The following RBFOX1 variants were observed in gnomAD, a reference collection of about 807,000 sequenced individuals.
RBFOX1 encodes the protein RNA binding fox-1 homolog 1, also known as RNA binding protein fox-1 homolog 1.
RBFOX1 carries 8 observed loss-of-function variants against 57.7 expected under a neutral mutation model. The observed-to-expected ratio is 0.14, with a 90% CI of 0.08 to 0.25. The LOEUF (loss-of-function observed/expected upper bound fraction) is 0.25. Among genes scored for constraint, RBFOX1 ranks in the 10% least tolerant of loss-of-function variants. The pLI, the probability that RBFOX1 is intolerant of heterozygous loss-of-function variation, is 1.00. For missense variants in RBFOX1, 611 were observed against 548.5 expected, an observed-to-expected ratio of 1.11 and a Z score of -1.14; for synonymous variants, 326 against 222.4, an observed-to-expected ratio of 1.47 and a Z score of -4.15.
intron 1 of RBFOX1, among the ~76,000 whole-genome samples, chr16:5,358,499 A>G (rs1010575604): frequency 1.3e-5 from 2 of 152,170 alleles, no homozygotes; most frequent in African/African-American, 2.4e-5. Flanking sequence ...TGCAATGTGT[A>G]ATAATCACAT....
chr16:5,921,900 C>T (rs944859369), intron 4 of RBFOX1, among the ~76,000 whole-genome samples: 1 of 151,928 alleles, frequency 6.6e-6, no homozygotes, highest in African/African-American at 2.4e-5. Context: ...GCCTGTAATC[C>T]CAGCACTTTG....
chr16:7,242,231 G>T (rs964543387), intron 4 of RBFOX1, among the ~76,000 whole-genome samples: 2 of 152,126 alleles, frequency 1.3e-5, no homozygotes, highest in Non-Finnish European at 2.9e-5. Flanking sequence ...ATCCCCAAAG[G>T]ACTGACAAGA....
intron 2 of RBFOX1, among the ~76,000 whole-genome samples, chr16:5,589,538 G>A (rs1174447522): frequency 6.6e-6 from 1 of 152,182 alleles, no homozygotes; most frequent in African/African-American, 2.4e-5. Flanking sequence ...CTCATTAATA[G>A]ATCAAAGGTG....
At chr16:5,889,602 C>G (rs182962215) in intron 4 of RBFOX1, among the ~76,000 whole-genome samples, 6 of 152,284 alleles carry the variant, frequency 3.9e-5, no homozygotes, top group Admixed American at 3.9e-4. Flanking sequence ...GTGCCAGTCA[C>G]ACTTTTGGGC....
chr16:7,423,148 G>A (rs1280505527), intron 4 of RBFOX1: 2 of 151,726 alleles, frequency 1.3e-5, no homozygotes, highest in Admixed American at 1.3e-4. Flanking sequence ...TATGGGTCCA[G>A]TGGTGTTGGA....
intron 3 of RBFOX1, among the ~76,000 whole-genome samples, chr16:6,946,161 G>A (rs1224116534): frequency 2.0e-5 from 3 of 152,220 alleles, no homozygotes; most frequent in African/African-American, 7.2e-5. Context: ...ATGATTAGGG[G>A]TTGGCAAGTG....
At chr16:6,357,550 G>GCT (rs2087579279) in intron 2 of RBFOX1, among the ~76,000 whole-genome samples, 1 of 151,330 alleles carries the variant, frequency 6.6e-6, no homozygotes, top group South Asian at 2.1e-4. Flanking sequence ...CTGCACAAGC[G>GCT]CTCTCTCTCT....
At chr16:5,856,151 T>TTCTC (rs35841072) in intron 3 of RBFOX1, among the ~76,000 whole-genome samples, 507 of 40,360 alleles carry the variant, frequency 0.013, 5 homozygotes, top group Non-Finnish European at 0.016. Flanking sequence ...GTCTTTATGG[T>TTCTC]TCTCTCTCTC....
intron 4 of RBFOX1, among the ~76,000 whole-genome samples, chr16:5,904,404 A>T (rs1946618315): frequency 6.6e-6 from 1 of 151,906 alleles, no homozygotes. Context: ...GTTTTGTCTC[A>T]GGGCATTATA....
intron 1 of RBFOX1, among the ~76,000 whole-genome samples, chr16:6,164,941 G>T (rs915369746): frequency 3.3e-5 from 5 of 152,214 alleles, no homozygotes; most frequent in Middle Eastern, 6.8e-3. Context: ...AGTTTGGGGG[G>T]AAAGTGTGCA....
chr16:5,319,054 C>T (rs1436734872), intron 1 of RBFOX1, among the ~76,000 whole-genome samples: 1 of 152,058 alleles, frequency 6.6e-6, no homozygotes, highest in Admixed American at 6.6e-5. Flanking sequence ...TTGAACCTGG[C>T]AGGTGGAGGT....
rs1006788234 is a variant in RBFOX1 at position 6,858,696 on chromosome 16, T to C, written c.-15-193361T>C. Among the ~76,000 whole-genome samples, 8 of 152,162 alleles carry C rather than the reference T, an allele frequency of 5.3e-5. No individual in the cohort carries two copies. In the East Asian group the frequency reaches 9.6e-4, roughly 18 times the overall value. ...GAAACAATAATTTTATGGAATTACA[T>C]ATCAGAATATGAGTGTTCAGCTCAG... is the stretch of plus-strand genomic sequence containing the variant. On this transcript the variant is annotated intron_variant, in intron 3 of 15. Coordinates refer to ENST00000550418, the MANE Select transcript of RBFOX1 (RefSeq NM_018723.4).
chr16:7,311,607 G>T (rs772935080), intron 4 of RBFOX1, among the ~76,000 whole-genome samples: 2 of 149,232 alleles, frequency 1.3e-5, no homozygotes, highest in East Asian at 2.0e-4. Flanking sequence ...CTCTTGCTCT[G>T]CCTGAAGCCA....
At chr16:5,293,333 G>A (rs1287559526) in intron 1 of RBFOX1, among the ~76,000 whole-genome samples, 1 of 152,086 alleles carries the variant, frequency 6.6e-6, no homozygotes, top group Non-Finnish European at 1.5e-5. Flanking sequence ...TGAGATTGGG[G>A]TTGCTGTTAT....
At chr16:6,339,773 C>A (rs941928827) in intron 2 of RBFOX1, among the ~76,000 whole-genome samples, 2 of 151,888 alleles carry the variant, frequency 1.3e-5, no homozygotes, top group Admixed American at 1.3e-4. Flanking sequence ...CAGGTTCAAG[C>A]GATTCTCCTG....
intron 2 of RBFOX1, among the ~76,000 whole-genome samples, chr16:6,583,210 C>T (rs2097561839): frequency 1.3e-5 from 2 of 152,152 alleles, no homozygotes; most frequent in Admixed American, 6.5e-5. Context: ...CTAATGGGTC[C>T]TAGCATAAAT....
chr16:5,866,878 C>A (rs1008879975), intron 3 of RBFOX1, among the ~76,000 whole-genome samples: 1 of 152,124 alleles, frequency 6.6e-6, no homozygotes, highest in Non-Finnish European at 1.5e-5. Flanking sequence ...CTGTTGCTGT[C>A]ATTGTAGCTT....
At chr16:5,357,888 T>G (rs555737790) in intron 1 of RBFOX1, among the ~76,000 whole-genome samples, 11 of 152,320 alleles carry the variant, frequency 7.2e-5, no homozygotes, top group African/African-American at 2.6e-4. Flanking sequence ...TGAGATGAAA[T>G]GTAAACCAGA....
chr16:6,331,116 G>C (rs1414127481), intron 2 of RBFOX1, among the ~76,000 whole-genome samples: 2 of 152,180 alleles, frequency 1.3e-5, no homozygotes, highest in African/African-American at 2.4e-5. Context: ...TGTTGAAGAA[G>C]GCTTGAAGAG....
Sources: allele counts gnomAD v4.1 joint callset (sites outside exome capture counted in the v4.1 genomes callset), GRCh38; gene constraint gnomAD v4.1.1; transcripts MANE v1.5; gene names NCBI Gene and HGNC (gene_info 2026-07-23, HGNC 2026-07-21).